Variants in GLDC observed in about 807,000 individuals in gnomAD.
GLDC encodes the protein glycine decarboxylase, also known as glycine dehydrogenase (decarboxylating), mitochondrial.
GLDC carries 104 observed loss-of-function variants against 121.3 expected under a neutral mutation model. The ratio of observed to expected loss-of-function variants is 0.86; its 90% confidence interval spans 0.73 to 1.01. GLDC has a LOEUF of 1.01. GLDC is among the 50% of genes least tolerant of loss of function. The probability of loss-of-function intolerance (pLI) is 0.00; values close to 1 mark genes in which losing one functional copy is unlikely to be tolerated. For missense variants in GLDC, 1,429 were observed against 1,306.6 expected (o/e 1.09, Z -1.44); for synonymous variants, 546 against 480.6 (o/e 1.14, Z -1.78).
At chr9:6,569,020 T>C (rs977823150) in intron 15 of GLDC, 17 of 152,198 alleles carry the variant, frequency 1.1e-4, no homozygotes, top group African/African-American at 3.6e-4. Context: ...CCAGAAAAAG[T>C]AGAACAACTG....
intron 11 of GLDC, among the ~76,000 whole-genome samples, chr9:6,590,760 C>T (rs545307367): frequency 1.7e-4 from 26 of 152,306 alleles, no homozygotes; most frequent in African/African-American, 6.3e-4. Flanking sequence ...AGAAACATTT[C>T]TCAAATGCAT....
chr9:6,553,331 AC>A (rs1817553791), intron 20 of GLDC, 36 bp downstream of exon 20: 3 of 1,606,102 alleles, frequency 1.9e-6, no homozygotes, highest in East Asian at 4.5e-5. Flanking sequence ...TGACGCCCCC[AC>A]CCACCTGCAC....
chr9:6,593,474 T>A (rs1345685642), intron 9 of GLDC, among the ~76,000 whole-genome samples: 4 of 151,808 alleles, frequency 2.6e-5, no homozygotes, highest in African/African-American at 9.7e-5. Flanking sequence ...AATAATTTTT[T>A]AAATTTTTTG....
At chr9:6,582,941 C>T (rs767537949) in intron 15 of GLDC, among the ~76,000 whole-genome samples, 6 of 152,044 alleles carry the variant, frequency 3.9e-5, no homozygotes, top group Non-Finnish European at 7.4e-5. Context: ...TGTACAAATG[C>T]ATGGTAAGCA....
At chr9:6,535,995 TG>T in intron 23 of GLDC, 68 bp downstream of exon 23, 1 of 1,301,762 alleles carries the variant, frequency 7.7e-7, no homozygotes, top group Non-Finnish European at 1.1e-6. Context: ...CGGGAGTTGC[TG>T]GTACACTGTC....
intron 21 of GLDC, chr9:6,540,593 C>G: frequency 5.0e-6 from 1 of 200,822 alleles, no homozygotes; most frequent in South Asian, 9.3e-5. Flanking sequence ...CAAATAATTA[C>G]TTTTGCGTAT....
In GLDC at chr9:6,554,677, G is replaced by A. The variant is rs565834029; in HGVS notation, c.2307C>T (p.Pro769=). 50 of 1,608,782 alleles carry A rather than the reference G, an allele frequency of 3.1e-5. No homozygotes were observed. In the African/African-American group the frequency reaches 6.1e-4, roughly 20 times the overall value. The change falls in exon 19 of 25, where the codon CCC becomes CCT. Residue 769 remains proline (P), a synonymous_variant. Transcript: ENST00000321612. ...PHGGGGPGMG[P]IGVKKHLAPF... is the part of the protein sequence containing the mutation. The stretch of plus-strand genomic sequence containing the variant: ...AGCAGCCCAGAACTTACACTCCGAT[G>A]GGCCCCATGCCAGGACCACCTCCTC...
intron 11 of GLDC, among the ~76,000 whole-genome samples, chr9:6,589,745 GCTAAAACTA>G (rs1396085582): frequency 6.6e-6 from 1 of 151,950 alleles, no homozygotes; most frequent in Admixed American, 6.6e-5. Flanking sequence ...AAATTTAAAA[GCTAAAACTA>G]CTAAAACTTA....
Position 6,587,226 on chromosome 9 carries a change from G to C in GLDC, c.1765C>G (p.Gln589Glu). 4.3e-6 allele frequency: 7 copies of C among 1,613,980 alleles called. No homozygotes were observed. The highest frequency in any genetic ancestry group is 5.9e-6 in the Non-Finnish European group (7 of 1,179,866). Residue 589 changes from glutamine to glutamate, a missense_variant, in exon 15 of 25, where the codon CAA (glutamine) becomes GAA (glutamate). By Grantham distance (29) the Gln-to-Glu change is conservative. Transcript: ENST00000321612. Reference protein sequence around the residue: ...IHPFVPLDQAQGYQQLFRELE... With the variant: ...IHPFVPLDQAEGYQQLFRELE... ...TCTCGGAAAAGCTGCTGATATCCTT[G>C]AGCTTGATCCAGAGGCACAAAGGGG...
chr9:6,588,606 A>G lies in GLDC; in HGVS notation c.1665+12T>C, dbSNP rs771005966. On this transcript the variant is annotated intron_variant, in intron 13 of 24. Transcript: ENST00000321612. ...TAGCTTGGAAATGAGAAAAAAGGCC[A>G]CAAATAACTACCAGTGGAATCATGC... The G allele has an allele frequency of 1.8e-5, 28 of 1,596,740 alleles. No individual in the cohort carries two copies. In the South Asian group the frequency reaches 3.1e-4, roughly 18 times the overall value.
intron 15 of GLDC, among the ~76,000 whole-genome samples, chr9:6,586,931 T>C (rs1818283123): frequency 1.3e-5 from 2 of 152,078 alleles, no homozygotes; most frequent in Non-Finnish European, 2.9e-5. Flanking sequence ...CTAGTGAACA[T>C]CCTCAAATGC....
chr9:6,580,049 G>A (rs1004366305), intron 15 of GLDC, among the ~76,000 whole-genome samples: 2 of 152,144 alleles, frequency 1.3e-5, no homozygotes, highest in African/African-American at 2.4e-5. Context: ...TCAGAACTAC[G>A]GAAGACCTGG....
At chr9:6,635,339 T>C (rs889264957) in intron 2 of GLDC, among the ~76,000 whole-genome samples, 1 of 152,158 alleles carries the variant, frequency 6.6e-6, no homozygotes, top group African/African-American at 2.4e-5. Context: ...AACCCACTGA[T>C]AACAAAGGTG....
At chr9:6,549,005 G>A (rs963650682) in intron 21 of GLDC, among the ~76,000 whole-genome samples, 8 of 152,016 alleles carry the variant, frequency 5.3e-5, no homozygotes, top group Non-Finnish European at 1.2e-4. Flanking sequence ...CCACATCTCA[G>A]CCCATTTTAA....
In GLDC at chr9:6,597,585, T is replaced by G. The variant is rs903300861; in HGVS notation, c.1156-2466A>C. On this transcript the variant is annotated intron_variant, in intron 8 of 24. Transcript: ENST00000321612. ...CATCTCTATTTTAAAAAGATTTTTA[T>G]ATTAAAAATAAGAAAAGCCAATGAA... 4.6e-5 allele frequency among the ~76,000 whole-genome samples: 7 copies of G among 151,936 alleles called. No homozygotes were observed. In the East Asian group the frequency reaches 1.4e-3, roughly 29 times the overall value.
rs148983544 is a variant in GLDC, at chr9:6,608,468, C to G, written c.635+1724G>C. Among the ~76,000 whole-genome samples, 643 of 145,374 alleles carry G rather than the reference C, an allele frequency of 4.4e-3. 3 individuals carry two copies. Among genetic ancestry groups the G allele is most frequent in the African/African-American group, 0.015 (596 of 39,676 alleles). On this transcript the variant is annotated intron_variant, in intron 4 of 24. Transcript: ENST00000321612. ...ACAAATAAATTAACTCGGCCGGGCT[C>G]AGTGGCTCACGCCTATAATCCCAGC...
At position 6,587,174 on chromosome 9, in the gene GLDC, G is replaced by A. The variant is rs772777667; in HGVS notation, c.1817C>T (p.Thr606Ile). The change falls in exon 15 of 25, where the codon ACA becomes ATA. Residue 606 changes from threonine to isoleucine, a missense_variant. By Grantham distance (89) the Thr-to-Ile change is moderately conservative. Coordinates refer to ENST00000321612, the MANE Select transcript of GLDC (RefSeq NM_000170.3). Reference protein sequence around the residue: ...RELEKDLCELTGYDQVCFQPN... With the variant: ...RELEKDLCELIGYDQVCFQPN... ...CTGGAAACAGACCTGGTCATAACCT[G>A]TGAGTTCACACAAATCCTTCTCAAG... The A allele has an allele frequency of 1.3e-5, 21 of 1,613,668 alleles. No homozygotes were observed. Among genetic ancestry groups the A allele is most frequent in the Admixed American group, 6.7e-5 (4 of 59,996 alleles).
intron 21 of GLDC, among the ~76,000 whole-genome samples, chr9:6,545,617 A>G (rs1052098479): frequency 6.6e-6 from 1 of 152,146 alleles, no homozygotes; most frequent in Non-Finnish European, 1.5e-5. Context: ...TTTTTCTTCA[A>G]TAATAAATTA....
chr9:6,637,434 T>C (rs1294749175), intron 2 of GLDC, among the ~76,000 whole-genome samples: 1 of 151,790 alleles, frequency 6.6e-6, no homozygotes, highest in African/African-American at 2.4e-5. Context: ...TTTATCAAGA[T>C]TGAGGGTTTT....
Sources: gnomAD v4.1 joint callset for allele counts (sites outside exome capture counted in the v4.1 genomes callset) on GRCh38, gnomAD v4.1.1 for gene constraint, MANE v1.5 for transcripts, NCBI Gene and HGNC (gene_info 2026-07-23, HGNC 2026-07-21) for gene names.